The following DNAH3 variants were observed in gnomAD, a reference collection of about 807,000 sequenced individuals.
The protein encoded by DNAH3 is axonemal beta dynein heavy chain 3.
A neutral mutation model predicts 432.5 loss-of-function variants in DNAH3; 332 were observed. The observed-to-expected ratio is 0.77, with a 90% CI of 0.70 to 0.84. DNAH3 has a LOEUF of 0.84. DNAH3 is among the 40% of genes least tolerant of loss of function. DNAH3 has a pLI of 0.00. For synonymous variants in DNAH3, 1,956 were observed against 1,900.2 expected, an observed-to-expected ratio of 1.03 and a Z score of -0.76; for missense variants, 4,861 against 5,114.0, an observed-to-expected ratio of 0.95 and a Z score of 1.51.
At position 21,081,832 on chromosome 16, in the gene DNAH3, T is replaced by C. The variant is rs2091199678; in HGVS notation, c.2878-105A>G. ...TTCTTTTTATCTGCACTGCTCAGCA[T>C]AACAGCCACGAGTGGCAGGTGGCTG... is the stretch of plus-strand genomic sequence containing the variant. On this transcript the variant is annotated intron_variant, in intron 19 of 61. Coordinates refer to ENST00000261383, the Ensembl canonical transcript of DNAH3. 6 of 824,914 alleles carry C rather than the reference T, an allele frequency of 7.3e-6. No homozygotes were observed. In the South Asian group the frequency reaches 1.3e-4, roughly 17 times the overall value. The allele number at this position is 824,914 out of a possible 1,614,324, so 51.1% of individuals were successfully genotyped here. A position where few individuals can be genotyped will look rare whatever the true frequency, so the allele number is the denominator to read the frequency against.
At position 21,134,317 on chromosome 16, in the gene DNAH3, C is replaced by T. The variant is rs373010045; in HGVS notation, c.1024G>A (p.Glu342Lys). Residue 342 changes from glutamate (E) to lysine (K), a missense_variant, in exon 7 of 62, where the codon GAG becomes AAG. By Grantham distance (56) the Glu-to-Lys change is moderately conservative. Coordinates refer to ENST00000261383, the Ensembl canonical transcript of DNAH3. ...ATGGGGTTCACCGTGTGCAGATGCT[C>T]CTCGTTCCACTTCTTGGCGCTCCTG... The T allele has an allele frequency of 1.2e-5, 19 of 1,613,990 alleles. No individual in the cohort carries two copies. In the African/African-American group the frequency reaches 2.5e-4, roughly 22 times the overall value.
At position 20,970,000 on chromosome 16, in the gene DNAH3, G is replaced by C. The variant is rs1421817867; in HGVS notation, c.8260-10C>G. 1 of 1,613,156 alleles carries C rather than the reference G, an allele frequency of 6.2e-7. No individual in the cohort carries two copies. The highest frequency in any genetic ancestry group is 8.5e-7 in the Non-Finnish European group (1 of 1,179,934). ...CCCCCTCACATTCGTTCTGTGGGCG[G>C]CATGAGGACAAAGGAGATGAGTGCC... On this transcript the variant is annotated splice_polypyrimidine_tract_variant and intron_variant, in intron 51 of 61. Coordinates refer to ENST00000261383, the Ensembl canonical transcript of DNAH3.
chr16:21,140,117 T>C (rs2092699650), intron 5 of DNAH3: 1 of 156,072 alleles, frequency 6.4e-6, no homozygotes. Flanking sequence ...ACAGGCCAAA[T>C]TCAGCCTATG....
rs189516674 is a variant in DNAH3 at position 20,956,371 on chromosome 16, G to A, written c.10827-1314C>T. Among the ~76,000 whole-genome samples the A allele has an allele frequency of 3.4e-3, 519 of 152,316 alleles. 2 individuals carry two copies. The highest frequency in any genetic ancestry group is 5.5e-3 in the Non-Finnish European group (373 of 68,030). On this transcript the variant is annotated intron_variant, in intron 54 of 61. Transcript: ENST00000261383. ...GTGACCGCTCTCCTTGCCAGAGCAT[G>A]TGCCCAGTTCACTGCAAGCCCCACC... is the stretch of plus-strand genomic sequence containing the variant.
At chr16:21,155,559 T>G (rs1020236584) in intron 1 of DNAH3, among the ~76,000 whole-genome samples, 3 of 145,326 alleles carry the variant, frequency 2.1e-5, no homozygotes, top group South Asian at 2.2e-4. Flanking sequence ...GAGGTGGAGG[T>G]TGCAGTAAGC....
intron 1 of DNAH3, among the ~76,000 whole-genome samples, chr16:21,146,916 A>T (rs2092791844): frequency 6.6e-6 from 1 of 151,832 alleles, no homozygotes; most frequent in Non-Finnish European, 1.5e-5. Flanking sequence ...GACTGCCACC[A>T]TGCCCAGCTA....
chr16:21,089,830 C>G (rs569057780), intron 18 of DNAH3, among the ~76,000 whole-genome samples: 1 of 151,630 alleles, frequency 6.6e-6, no homozygotes, highest in African/African-American at 2.4e-5. Flanking sequence ...GAACAGAAAT[C>G]CATTGAAAAC....
At chr16:20,954,893 G>A (rs762473456) in exon 55 of DNAH3, 50 of 1,614,010 alleles carry the variant, frequency 3.1e-5, no homozygotes, top group East Asian at 2.2e-4. Context: ...CCACATCACC[G>A]CCTTTGCACA....
At chr16:21,020,348 G>GTGTATATATATATATATATA in intron 40 of DNAH3, among the ~76,000 whole-genome samples, 8 of 69,146 alleles carry the variant, frequency 1.2e-4, no homozygotes, top group East Asian at 4.7e-4. Flanking sequence ...TATAGTGTGT[G>GTGTATATATATATATATATA]TATATATATA....
At chr16:21,049,610 C>A in exon 31 of DNAH3, 1 of 1,614,188 alleles carries the variant, frequency 6.2e-7, no homozygotes, top group Non-Finnish European at 8.5e-7. Context: ...CATGCTCCAG[C>A]CTGTGCCAGC....
At chr16:21,038,702 C>A (rs1423087453) in intron 33 of DNAH3, among the ~76,000 whole-genome samples, 1 of 152,164 alleles carries the variant, frequency 6.6e-6, no homozygotes, top group East Asian at 1.9e-4. Context: ...TTGTGTTGTT[C>A]ACCAGCACCC....
At chr16:21,092,144 C>G (rs1156807897) in intron 18 of DNAH3, among the ~76,000 whole-genome samples, 2 of 152,050 alleles carry the variant, frequency 1.3e-5, no homozygotes, top group Non-Finnish European at 2.9e-5. Context: ...AGTAAAAGAT[C>G]CAGAATAGCC....
intron 54 of DNAH3, among the ~76,000 whole-genome samples, chr16:20,958,607 A>G (rs931768637): frequency 1.3e-5 from 2 of 152,036 alleles, no homozygotes; most frequent in African/African-American, 4.8e-5. Flanking sequence ...GCAAACTCCT[A>G]TTCATTTTTC....
intron 47 of DNAH3, among the ~76,000 whole-genome samples, chr16:20,986,348 A>G (rs1480713749): frequency 6.6e-6 from 1 of 151,816 alleles, no homozygotes; most frequent in African/African-American, 2.4e-5. Flanking sequence ...CTACAATAAA[A>G]TAAGAAAAAA....
chr16:21,074,465 G>A (rs1312100948), intron 21 of DNAH3, among the ~76,000 whole-genome samples: 2 of 152,314 alleles, frequency 1.3e-5, no homozygotes, highest in Non-Finnish European at 1.5e-5. Flanking sequence ...TGTAATCCCA[G>A]CAATTTGGGA....
chr16:20,938,607 T>A (rs1201291685), intron 59 of DNAH3, among the ~76,000 whole-genome samples: 4 of 150,100 alleles, frequency 2.7e-5, no homozygotes, highest in African/African-American at 9.8e-5. Flanking sequence ...ACAGTCACAG[T>A]TCCCCTGAAG....
At chr16:21,138,980 G>T (rs1322023836) in intron 5 of DNAH3, among the ~76,000 whole-genome samples, 2 of 152,192 alleles carry the variant, frequency 1.3e-5, no homozygotes, top group Non-Finnish European at 2.9e-5. Context: ...GTGGGGTCAA[G>T]TAGCTATAGA....
intron 17 of DNAH3, among the ~76,000 whole-genome samples, 178 bp downstream of exon 17, chr16:21,098,438 C>CAA (rs57032212): frequency 4.0e-4 from 25 of 62,810 alleles, no homozygotes; most frequent in East Asian, 1.5e-3. Context: ...GACCTTGTCT[C>CAA]AAAAAAAAAA....
intron 47 of DNAH3, among the ~76,000 whole-genome samples, chr16:20,986,238 C>G (rs2086190540): frequency 6.6e-6 from 1 of 151,722 alleles, no homozygotes. Flanking sequence ...GGCACGGTGG[C>G]TCATGCCTGT....
Sources: gnomAD v4.1 joint callset for allele counts (sites outside exome capture counted in the v4.1 genomes callset) on GRCh38, gnomAD v4.1.1 for gene constraint, MANE v1.5 for transcripts, NCBI Gene and HGNC (gene_info 2026-07-23, HGNC 2026-07-21) for gene names.